The following COL26A1 variants were observed in gnomAD, a reference collection of about 807,000 sequenced individuals.
COL26A1 encodes the protein collagen type XXVI alpha 1 chain.
In COL26A1, 41 loss-of-function variants were observed where a neutral mutation model predicts 59.3. That is an observed-to-expected ratio of 0.69 (90% confidence interval 0.54 to 0.90). The LOEUF (loss-of-function observed/expected upper bound fraction) is 0.90, where lower values mean the gene tolerates loss of function less well. Ranked by LOEUF, COL26A1 falls within the 40% of genes least tolerant of loss-of-function variation. COL26A1 has a pLI of 0.00. For missense variants in COL26A1, 612 were observed against 602.3 expected (o/e 1.02, Z -0.17); for synonymous variants, 266 against 256.0 (o/e 1.04, Z -0.37).
intron 2 of COL26A1, among the ~76,000 whole-genome samples, chr7:101,432,711 T>C (rs932262715): frequency 1.3e-5 from 2 of 152,120 alleles, no homozygotes; most frequent in Non-Finnish European, 2.9e-5. Flanking sequence ...TTTTTTTGTT[T>C]GTTTTTTTGA....
chr7:101,423,924 C>T (rs1017806601), intron 2 of COL26A1, among the ~76,000 whole-genome samples: 6 of 152,038 alleles, frequency 3.9e-5, no homozygotes, highest in African/African-American at 1.4e-4. Flanking sequence ...AACAATTTGG[C>T]CAGTGACAGT....
intron 2 of COL26A1, among the ~76,000 whole-genome samples, chr7:101,434,667 G>A (rs1792873652): frequency 6.6e-6 from 1 of 152,176 alleles, no homozygotes; most frequent in African/African-American, 2.4e-5. Flanking sequence ...TAGTGAGCAT[G>A]GGGACAGGGT....
At chr7:101,513,059 T>A (rs574514648) in intron 3 of COL26A1, among the ~76,000 whole-genome samples, 1 of 151,934 alleles carries the variant, frequency 6.6e-6, no homozygotes. Context: ...CAGACTAGAG[T>A]GCAATGGCAT....
intron 3 of COL26A1, among the ~76,000 whole-genome samples, chr7:101,524,547 G>A (rs956889487): frequency 5.3e-5 from 8 of 152,110 alleles, no homozygotes; most frequent in Admixed American, 1.3e-4. Flanking sequence ...CTGGGATGGG[G>A]AGAATTAACA....
chr7:101,427,018 C>A (rs1385375648), intron 2 of COL26A1, among the ~76,000 whole-genome samples: 1 of 152,154 alleles, frequency 6.6e-6, no homozygotes, highest in Non-Finnish European at 1.5e-5. Context: ...TAGAAATTTG[C>A]AAATGTGTGT....
intron 1 of COL26A1, among the ~76,000 whole-genome samples, chr7:101,372,865 C>T (rs932009070): frequency 1.3e-5 from 2 of 152,114 alleles, no homozygotes; most frequent in African/African-American, 2.4e-5. Context: ...TGTGGTGGAA[C>T]ACACCTGTAG....
chr7:101,532,989 T>A lies in COL26A1; in HGVS notation c.386-93T>A, dbSNP rs1795400814. On this transcript the variant is annotated intron_variant, in intron 3 of 12. Transcript: ENST00000313669. ...GCAAAATGACTGGAGATTTCTCTGCTTGCCTGCCTGCCCAGAGGCTATCCT... is the reference window on the plus strand; with the variant it reads ...GCAAAATGACTGGAGATTTCTCTGCATGCCTGCCTGCCCAGAGGCTATCCT... The A allele has an allele frequency of 5.4e-6, 5 of 919,924 alleles. No individual in the cohort carries two copies. In the East Asian group the frequency reaches 1.3e-4, roughly 24 times the overall value. The allele number at this position is 919,924 out of a possible 1,614,324, so 57.0% of individuals were successfully genotyped here. A position where few individuals can be genotyped will look rare whatever the true frequency, so the allele number is the denominator to read the frequency against.
chr7:101,414,248 C>G (rs1292442780), intron 1 of COL26A1, among the ~76,000 whole-genome samples: 3 of 152,122 alleles, frequency 2.0e-5, no homozygotes, highest in Admixed American at 2.0e-4. Context: ...GAAATGTTTT[C>G]CAATTCACAG....
chr7:101,549,801 C>A (rs911593349), intron 9 of COL26A1, among the ~76,000 whole-genome samples: 2 of 152,174 alleles, frequency 1.3e-5, no homozygotes, highest in African/African-American at 4.8e-5. Context: ...CCCAGAGAGA[C>A]CAGATGCTGC....
intron 1 of COL26A1, among the ~76,000 whole-genome samples, chr7:101,380,355 G>C (rs572398272): frequency 6.7e-6 from 1 of 149,714 alleles, no homozygotes; most frequent in Non-Finnish European, 1.5e-5. Flanking sequence ...GAGTGCAGTG[G>C]CGCTATCTTG....
chr7:101,376,003 A>AG (rs1467210282), intron 1 of COL26A1, among the ~76,000 whole-genome samples: 2 of 150,870 alleles, frequency 1.3e-5, no homozygotes, highest in Non-Finnish European at 3.0e-5. Context: ...AAAAAAAAAA[A>AG]AAAGAAAATT....
intron 6 of COL26A1, among the ~76,000 whole-genome samples, 162 bp from the exon 7 acceptor site, chr7:101,545,176 C>G (rs1048173960): frequency 3.3e-5 from 5 of 152,198 alleles, no homozygotes; most frequent in Non-Finnish European, 7.3e-5. Context: ...ATTTACACCC[C>G]AGGACACCCC....
chr7:101,547,090 G>A lies in COL26A1; in HGVS notation c.857-66G>A, dbSNP rs528285976. The A allele has an allele frequency of 6.9e-5, 84 of 1,213,902 alleles. 1 individual carries two copies. The African/African-American group carries it at 8.7e-4, about 13-fold the overall frequency. The allele number at this position is 1,213,902 out of a possible 1,614,324, so 75.2% of individuals were successfully genotyped here. ...GGCCTGGCTCAGGGCTCAGTGCCCC[G>A]GACCAGCCTCCCAGCACTGCCAGGT... On this transcript the variant is annotated intron_variant, in intron 7 of 12. Transcript: ENST00000313669.
chr7:101,481,294 G>T (rs545923608), intron 3 of COL26A1, among the ~76,000 whole-genome samples: 1 of 150,806 alleles, frequency 6.6e-6, no homozygotes, highest in Non-Finnish European at 1.5e-5. Flanking sequence ...CCCCACCCAA[G>T]GTCAGTTATA....
chr7:101,390,403 C>T (rs1791702237), intron 1 of COL26A1, among the ~76,000 whole-genome samples: 3 of 152,044 alleles, frequency 2.0e-5, no homozygotes, highest in African/African-American at 7.2e-5. Context: ...GCTAGGATTA[C>T]AGATGTGAGG....
intron 2 of COL26A1, among the ~76,000 whole-genome samples, chr7:101,433,316 C>A (rs1792826018): frequency 6.6e-6 from 1 of 152,020 alleles, no homozygotes; most frequent in Admixed American, 6.6e-5. Flanking sequence ...CAGAGCCAGA[C>A]CCTGCATCAA....
At chr7:101,378,668 G>A (rs1202058220) in intron 1 of COL26A1, among the ~76,000 whole-genome samples, 1 of 152,094 alleles carries the variant, frequency 6.6e-6, no homozygotes, top group Non-Finnish European at 1.5e-5. Flanking sequence ...CTGCATGTGT[G>A]TAAGCTGTTT....
At chr7:101,445,337 C>T (rs1793159933) in intron 2 of COL26A1, among the ~76,000 whole-genome samples, 1 of 151,972 alleles carries the variant, frequency 6.6e-6, no homozygotes, top group Non-Finnish European at 1.5e-5. Context: ...TTTAATTTGG[C>T]TCACAGTTCT....
chr7:101,439,664 C>T (rs567009718), intron 2 of COL26A1, among the ~76,000 whole-genome samples: 20 of 151,842 alleles, frequency 1.3e-4, no homozygotes, highest in African/African-American at 4.1e-4. Flanking sequence ...CAGATCAAAG[C>T]AGGCAGAGCC....
Sources: gnomAD v4.1 joint callset for allele counts (sites outside exome capture counted in the v4.1 genomes callset) on GRCh38, gnomAD v4.1.1 for gene constraint, MANE v1.5 for transcripts, NCBI Gene and HGNC (gene_info 2026-07-23, HGNC 2026-07-21) for gene names.